The following CLVS1 variants were observed in gnomAD, a reference collection of about 807,000 sequenced individuals.
CLVS1 encodes the protein clavesin 1.
Under a neutral mutation model 33.1 loss-of-function variants are expected in CLVS1, and 10 were observed. The ratio of observed to expected loss-of-function variants is 0.30; its 90% CI spans 0.19 to 0.51. The LOEUF (loss-of-function observed/expected upper bound fraction) is 0.51. CLVS1 is among the 20% of genes least tolerant of loss of function. The pLI is 0.97. For missense variants in CLVS1, 343 were observed against 433.4 expected (o/e 0.79, Z 1.85); for synonymous variants, 163 against 166.1 (o/e 0.98, Z 0.14).
intron 2 of CLVS1, among the ~76,000 whole-genome samples, chr8:61,314,600 A>T (rs1248720731): frequency 6.6e-6 from 1 of 152,234 alleles, no homozygotes; most frequent in Non-Finnish European, 1.5e-5. Flanking sequence ...TGTTGAATTA[A>T]TACTTTCTTC....
At chr8:61,047,722 C>T in the CLVS1 span, among the ~76,000 whole-genome samples, 1 of 152,134 alleles carries the variant, frequency 6.6e-6, no homozygotes, top group Admixed American at 6.5e-5. Context: ...TGTTCTCACT[C>T]ATAGGTGGGA....
chr8:61,109,249 T>C (rs936313753), intron 1 of CLVS1, among the ~76,000 whole-genome samples: 17 of 152,116 alleles, frequency 1.1e-4, no homozygotes, highest in African/African-American at 4.1e-4. Flanking sequence ...AAAATATTAC[T>C]CTTAAACAGT....
At chr8:61,092,415 C>T (rs755169735) in intron 1 of CLVS1, among the ~76,000 whole-genome samples, 24 of 152,186 alleles carry the variant, frequency 1.6e-4, no homozygotes, top group African/African-American at 2.4e-4. Context: ...CATCATCTCC[C>T]GCTGCTGTAA....
the CLVS1 span, among the ~76,000 whole-genome samples, chr8:61,033,090 A>G: frequency 2.2e-3 from 258 of 115,408 alleles, 8 homozygotes; most frequent in African/African-American, 4.5e-3. Flanking sequence ...AAGGAAGGAA[A>G]GAAAGAAAGA....
chr8:61,180,426 A>G (rs1807206024), intron 2 of CLVS1, among the ~76,000 whole-genome samples: 1 of 152,226 alleles, frequency 6.6e-6, no homozygotes. Context: ...AAGAGCTGGT[A>G]CCATTCCTAC....
intron 1 of CLVS1, among the ~76,000 whole-genome samples, chr8:61,294,457 C>T (rs528712556): frequency 2.9e-4 from 44 of 152,096 alleles, no homozygotes; most frequent in East Asian, 2.3e-3. Context: ...TTATGTACCC[C>T]GAATATTTAC....
chr8:61,404,206 C>T (rs1042404075), intron 3 of CLVS1, among the ~76,000 whole-genome samples: 1 of 152,142 alleles, frequency 6.6e-6, no homozygotes, highest in Non-Finnish European at 1.5e-5. Context: ...GAGCTTCTTT[C>T]CAAGCCCTCT....
At chr8:61,473,714 C>T (rs140054871) in intron 5 of CLVS1, among the ~76,000 whole-genome samples, 1 of 152,130 alleles carries the variant, frequency 6.6e-6, no homozygotes, top group African/African-American at 2.4e-5. Flanking sequence ...ATAGAATAAA[C>T]AAGATCTGAT....
chr8:61,219,563 T>C (rs1808165974), intron 2 of CLVS1, among the ~76,000 whole-genome samples: 1 of 152,224 alleles, frequency 6.6e-6, no homozygotes, highest in African/African-American at 2.4e-5. Flanking sequence ...GGGCATTTGG[T>C]TTGTTTCCAT....
At chr8:61,089,005 T>C (rs1805181645) in intron 1 of CLVS1, among the ~76,000 whole-genome samples, 2 of 152,194 alleles carry the variant, frequency 1.3e-5, no homozygotes, top group South Asian at 2.1e-4. Context: ...GGTTTCACCA[T>C]GTTAGCCAGG....
At chr8:61,477,399 G>A (rs981123651) in intron 5 of CLVS1, among the ~76,000 whole-genome samples, 1 of 152,152 alleles carries the variant, frequency 6.6e-6, no homozygotes, top group Non-Finnish European at 1.5e-5. Flanking sequence ...TGTACCTCTG[G>A]TAGAATTGAC....
chr8:61,381,025 C>T (rs1238611417), intron 3 of CLVS1, among the ~76,000 whole-genome samples: 1 of 152,052 alleles, frequency 6.6e-6, no homozygotes. Context: ...GTATTTTTCA[C>T]TTTCTGGAAG....
At chr8:61,220,017 T>G (rs1360574471) in intron 2 of CLVS1, among the ~76,000 whole-genome samples, 1 of 152,226 alleles carries the variant, frequency 6.6e-6, no homozygotes, top group Non-Finnish European at 1.5e-5. Flanking sequence ...CTTATAAATA[T>G]GTTTAAGTTC....
chr8:60,980,138 A>T, the CLVS1 span, among the ~76,000 whole-genome samples: 4 of 152,230 alleles, frequency 2.6e-5, no homozygotes, highest in Non-Finnish European at 5.9e-5. Context: ...CAAGAACTGC[A>T]CAAGTTCTAA....
chr8:61,171,040 C>CT (rs1806985731), intron 2 of CLVS1, among the ~76,000 whole-genome samples: 3 of 150,468 alleles, frequency 2.0e-5, no homozygotes, highest in South Asian at 2.1e-4. Context: ...TTTTCTTTTT[C>CT]TTTTTTTCAC....
At chr8:61,467,825 C>A (rs895131203) in intron 5 of CLVS1, among the ~76,000 whole-genome samples, 3 of 152,290 alleles carry the variant, frequency 2.0e-5, no homozygotes, top group African/African-American at 7.2e-5. Context: ...TTTTATTATT[C>A]TTCTTATTAG....
At chr8:61,270,282 T>C (rs1343322868) in intron 2 of CLVS1, among the ~76,000 whole-genome samples, 1 of 152,220 alleles carries the variant, frequency 6.6e-6, no homozygotes, top group Non-Finnish European at 1.5e-5. Flanking sequence ...CATGTGGTTT[T>C]TGTCTTTGGC....
At chr8:61,357,494 C>CTTTTTTCTTTTTT (rs1812776886) in intron 2 of CLVS1, among the ~76,000 whole-genome samples, 2 of 25,804 alleles carry the variant, frequency 7.8e-5, no homozygotes, top group African/African-American at 2.0e-4. Flanking sequence ...TTTTTCTTTT[C>CTTTTTTCTTTTTT]TTTTTTTTTT....
intron 2 of CLVS1, among the ~76,000 whole-genome samples, chr8:61,364,912 A>G (rs1195002078): frequency 1.3e-5 from 2 of 152,226 alleles, no homozygotes; most frequent in African/African-American, 4.8e-5. Flanking sequence ...ATGAAAAGCA[A>G]TACATACAGA....
Sources: gnomAD v4.1 joint callset for allele counts (sites outside exome capture counted in the v4.1 genomes callset) on GRCh38, gnomAD v4.1.1 for gene constraint, MANE v1.5 for transcripts, NCBI Gene and HGNC (gene_info 2026-07-23, HGNC 2026-07-21) for gene names.